CHCHD3: variants seen among roughly 807,000 people sequenced by gnomAD.
The protein encoded by CHCHD3 is coiled-coil-helix-coiled-coil-helix domain containing 3.
A neutral mutation model predicts 38.2 loss-of-function variants in CHCHD3; 20 were observed. The ratio of observed to expected loss-of-function variants is 0.52; its 90% CI spans 0.37 to 0.76. The LOEUF (loss-of-function observed/expected upper bound fraction) is 0.76. Ranked by LOEUF, CHCHD3 falls within the 30% of genes least tolerant of loss-of-function variation. The pLI, the probability that CHCHD3 is intolerant of heterozygous loss-of-function variation, is 0.00. For missense variants in CHCHD3, 245 were observed against 279.2 expected (o/e 0.88, Z 0.87); for synonymous variants, 82 against 100.0 (o/e 0.82, Z 1.07).
chr7:132,836,116 C>G (rs1205157184), intron 6 of CHCHD3, among the ~76,000 whole-genome samples: 1 of 148,232 alleles, frequency 6.7e-6, no homozygotes, highest in Non-Finnish European at 1.5e-5. Flanking sequence ...ATTCATGTGT[C>G]TGATTTTTTT....
intron 4 of CHCHD3, among the ~76,000 whole-genome samples, chr7:132,937,522 T>C (rs1810660092): frequency 6.6e-6 from 1 of 152,190 alleles, no homozygotes; most frequent in South Asian, 2.1e-4. Flanking sequence ...CTTAATATTA[T>C]GGGGGCTGGA....
intron 6 of CHCHD3, among the ~76,000 whole-genome samples, chr7:132,818,554 G>C (rs747352750): frequency 2.0e-5 from 3 of 152,164 alleles, no homozygotes; most frequent in Non-Finnish European, 4.4e-5. Context: ...GCTTTTATAA[G>C]AAGAAAACTT....
chr7:133,065,311 G>A (rs1814637616), intron 2 of CHCHD3, among the ~76,000 whole-genome samples: 2 of 152,028 alleles, frequency 1.3e-5, no homozygotes, highest in Admixed American at 1.3e-4. Context: ...CTGGTTCAAG[G>A]TTTAGCAAAA....
chr7:132,795,374 T>A (rs1463340013), intron 7 of CHCHD3, among the ~76,000 whole-genome samples: 2 of 152,168 alleles, frequency 1.3e-5, no homozygotes, highest in African/African-American at 4.8e-5. Flanking sequence ...ATGAAAAGGA[T>A]CCCTGGCATA....
At chr7:133,042,609 C>T (rs1360839556) in intron 2 of CHCHD3, among the ~76,000 whole-genome samples, 1 of 152,184 alleles carries the variant, frequency 6.6e-6, no homozygotes, top group East Asian at 1.9e-4. Flanking sequence ...AATGTGTACA[C>T]ATTTTCATAC....
chr7:133,035,862 A>G lies in CHCHD3; in HGVS notation c.170-11235T>C, dbSNP rs1172332648. 3 of 1,613,038 alleles carry G rather than the reference A, an allele frequency of 1.9e-6. No homozygotes were observed. The highest frequency in any genetic ancestry group is 2.5e-6 in the Non-Finnish European group (3 of 1,179,116). On this transcript the variant is annotated intron_variant, in intron 2 of 7. Coordinates refer to ENST00000262570, the MANE Select transcript of CHCHD3 (RefSeq NM_017812.4). This position sits in a 1 kb window ranked among gnomAD's most constrained non-coding sequence, Gnocchi z 4.7. ...CTGAGCCCCGCTGTACTGAGCAGCG[A>G]TGAGAGCCTTGAAGGCCCTCCAGTT...
intron 6 of CHCHD3, among the ~76,000 whole-genome samples, chr7:132,832,741 T>G (rs2117086415): frequency 1.3e-5 from 2 of 152,356 alleles, no homozygotes; most frequent in South Asian, 4.1e-4. Context: ...TCTGGTAACA[T>G]CTTCTTTCTA....
At chr7:132,860,322 G>GAGAGAGAGAGAGAGAGAGAGAT (rs1554377230) in intron 5 of CHCHD3, among the ~76,000 whole-genome samples, 5 of 149,876 alleles carry the variant, frequency 3.3e-5, no homozygotes, top group African/African-American at 9.8e-5. Context: ...GAGAAAGAGA[G>GAGAGAGAGAGAGAGAGAGAGAT]AGAGAGAGAG....
intron 2 of CHCHD3, among the ~76,000 whole-genome samples, chr7:133,046,754 A>G (rs1813999738): frequency 6.6e-6 from 1 of 152,046 alleles, no homozygotes. Flanking sequence ...TAGTAGAGAC[A>G]GGGTTTCACC....
chr7:132,840,890 A>G (rs1351195275), intron 5 of CHCHD3, among the ~76,000 whole-genome samples: 2 of 151,484 alleles, frequency 1.3e-5, no homozygotes, highest in African/African-American at 4.9e-5. Context: ...TTCCTATAGG[A>G]TGTTAAAACA....
intron 5 of CHCHD3, among the ~76,000 whole-genome samples, chr7:132,847,774 A>G (rs1479456764): frequency 2.0e-5 from 3 of 152,200 alleles, no homozygotes; most frequent in Non-Finnish European, 4.4e-5. Flanking sequence ...TCAGATTCTG[A>G]ATCTTGTTTT....
chr7:132,914,754 G>C (rs1170379237), intron 4 of CHCHD3, among the ~76,000 whole-genome samples: 1 of 152,162 alleles, frequency 6.6e-6, no homozygotes, highest in East Asian at 1.9e-4. Context: ...TGGCTCAGTG[G>C]GAGGACAGGG....
chr7:132,849,642 G>A (rs539220947), intron 5 of CHCHD3: 2 of 152,154 alleles, frequency 1.3e-5, no homozygotes, highest in Non-Finnish European at 2.9e-5. Context: ...TTTTAAGCTA[G>A]ATATATGGTA....
intron 4 of CHCHD3, among the ~76,000 whole-genome samples, chr7:132,915,223 A>G (rs957813828): frequency 6.6e-6 from 1 of 152,026 alleles, no homozygotes; most frequent in Non-Finnish European, 1.5e-5. Context: ...ACTGGAAGAG[A>G]GCGGCAAGGA....
chr7:132,998,183 G>A (rs1413501702), intron 3 of CHCHD3, among the ~76,000 whole-genome samples: 1 of 152,146 alleles, frequency 6.6e-6, no homozygotes, highest in Non-Finnish European at 1.5e-5. Context: ...AGTTCAACAT[G>A]ACTTAAGTTT....
chr7:132,931,849 C>A (rs1810522842), intron 4 of CHCHD3, among the ~76,000 whole-genome samples: 1 of 152,046 alleles, frequency 6.6e-6, no homozygotes, highest in Non-Finnish European at 1.5e-5. Flanking sequence ...ACATTTAACA[C>A]CCTGTCTGCA....
intron 4 of CHCHD3, among the ~76,000 whole-genome samples, chr7:132,912,503 T>C (rs1382781425): frequency 2.0e-5 from 3 of 152,200 alleles, no homozygotes; most frequent in Non-Finnish European, 4.4e-5. Context: ...CTATGTGATA[T>C]TGGGCAAGTT....
chr7:132,978,476 A>C (rs1252851798), intron 3 of CHCHD3, among the ~76,000 whole-genome samples: 1 of 152,162 alleles, frequency 6.6e-6, no homozygotes, highest in Non-Finnish European at 1.5e-5. Context: ...ATACTTATAA[A>C]AGTGCCTGCC....
chr7:132,899,200 T>C (rs1021515008), intron 4 of CHCHD3, among the ~76,000 whole-genome samples: 8 of 152,020 alleles, frequency 5.3e-5, no homozygotes, highest in Non-Finnish European at 1.2e-4. Flanking sequence ...AGACTGATTA[T>C]GGGGGCATGT....
Sources: gnomAD v4.1 joint callset for allele counts (sites outside exome capture counted in the v4.1 genomes callset) on GRCh38, gnomAD v4.1.1 for gene constraint, Gnocchi (gnomAD v3.1) non-coding constraint, MANE v1.5 for transcripts, NCBI Gene and HGNC (gene_info 2026-07-23, HGNC 2026-07-21) for gene names.